TAFA1: variants seen among roughly 807,000 people sequenced by gnomAD.
The protein encoded by TAFA1 is chemokine-like protein TAFA-1.
In TAFA1, 4 loss-of-function variants were observed where a neutral mutation model predicts 18.5. The observed-to-expected ratio is 0.22, with a 90% confidence interval of 0.11 to 0.49. TAFA1 has a LOEUF of 0.49. Ranked by LOEUF, TAFA1 falls within the 20% of genes least tolerant of loss-of-function variation. The pLI is 0.98. For missense variants in TAFA1, 147 were observed against 169.0 expected (o/e 0.87, Z 0.72); for synonymous variants, 56 against 55.2 (o/e 1.01, Z -0.06).
chr3:68,057,905 A>G (rs1346436254), intron 2 of TAFA1, among the ~76,000 whole-genome samples: 2 of 152,190 alleles, frequency 1.3e-5, no homozygotes, highest in Non-Finnish European at 2.9e-5. Flanking sequence ...ATTCTCCCCT[A>G]GAACCTTCAG....
chr3:68,170,961 A>G (rs185769723), intron 2 of TAFA1, among the ~76,000 whole-genome samples: 1 of 152,290 alleles, frequency 6.6e-6, no homozygotes, highest in Non-Finnish European at 1.5e-5. Context: ...AACAGCCAAA[A>G]CAAGAACGAA....
At chr3:68,307,054 G>GT (rs1261342801) in intron 2 of TAFA1, among the ~76,000 whole-genome samples, 6 of 152,126 alleles carry the variant, frequency 3.9e-5, no homozygotes, top group Non-Finnish European at 8.8e-5. Flanking sequence ...ATTAGCTTCT[G>GT]TTTTTTCATC....
At chr3:68,098,904 A>G (rs1050735599) in intron 2 of TAFA1, among the ~76,000 whole-genome samples, 1 of 152,226 alleles carries the variant, frequency 6.6e-6, no homozygotes, top group East Asian at 1.9e-4. Context: ...AGCCCTGGAG[A>G]AAATGACTGC....
rs2071398906 is a variant in TAFA1, at chr3:68,442,329, G to A, written c.259+24909G>A. Among the ~76,000 whole-genome samples the A allele has an allele frequency of 2.0e-5, 3 of 152,062 alleles. No individual in the cohort carries two copies. The South Asian group carries it at 6.2e-4, about 32-fold the overall frequency. ...GCAAAGGGTATTACATGTCAAAGGG[G>A]CTAAGCTAATGTGCTTGCTCAGGTC... On this transcript the variant is annotated intron_variant, in intron 3 of 4. Transcript: ENST00000478136.
chr3:68,378,961 T>C (rs1482672756), intron 2 of TAFA1, among the ~76,000 whole-genome samples: 1 of 152,178 alleles, frequency 6.6e-6, no homozygotes, highest in East Asian at 1.9e-4. Context: ...TAAGCCTCTT[T>C]CCTTTCTAAA....
intron 2 of TAFA1, among the ~76,000 whole-genome samples, chr3:68,368,789 A>G (rs262180): frequency 0.63 from 95,147 of 151,964 alleles, 30,554 homozygotes; most frequent in East Asian, 1. Flanking sequence ...CCAAGGGAAA[A>G]TGAGGGGCAA....
At chr3:68,540,381 A>G (rs2073352300) in intron 4 of TAFA1, among the ~76,000 whole-genome samples, 1 of 152,146 alleles carries the variant, frequency 6.6e-6, no homozygotes, top group East Asian at 1.9e-4. Context: ...TTATTCAGAA[A>G]TAAGCCTGGT....
chr3:68,429,821 G>A (rs2071133672), intron 3 of TAFA1, among the ~76,000 whole-genome samples: 1 of 151,814 alleles, frequency 6.6e-6, no homozygotes, highest in Non-Finnish European at 1.5e-5. Context: ...CCTTCCTGAA[G>A]CCGCTATGCC....
At chr3:68,218,686 G>T (rs918062121) in intron 2 of TAFA1, among the ~76,000 whole-genome samples, 1 of 152,106 alleles carries the variant, frequency 6.6e-6, no homozygotes, top group Non-Finnish European at 1.5e-5. Context: ...TTGTAAGAAA[G>T]ATCAAAATTT....
intron 2 of TAFA1, among the ~76,000 whole-genome samples, chr3:68,238,235 G>A (rs964990060): frequency 6.6e-6 from 1 of 152,104 alleles, no homozygotes; most frequent in African/African-American, 2.4e-5. Context: ...GACATCAGAG[G>A]GCTGGTAACA....
intron 2 of TAFA1, among the ~76,000 whole-genome samples, chr3:68,271,638 T>C (rs1300682959): frequency 9.9e-5 from 15 of 152,136 alleles, no homozygotes; most frequent in Admixed American, 9.8e-4. Context: ...AGAAACGTTT[T>C]CTGATGTTTG....
intron 2 of TAFA1, among the ~76,000 whole-genome samples, chr3:68,168,171 T>A (rs921636986): frequency 6.9e-6 from 1 of 145,928 alleles, no homozygotes; most frequent in African/African-American, 2.5e-5. Flanking sequence ...GAAGGCTTGA[T>A]TTGTTTTGCT....
At chr3:68,332,805 G>T (rs2068904918) in intron 2 of TAFA1, among the ~76,000 whole-genome samples, 1 of 152,146 alleles carries the variant, frequency 6.6e-6, no homozygotes, top group South Asian at 2.1e-4. Context: ...GAACACTGTA[G>T]GTGGGAATGT....
At chr3:68,248,724 G>C (rs2107154027) in intron 2 of TAFA1, among the ~76,000 whole-genome samples, 1 of 146,852 alleles carries the variant, frequency 6.8e-6, no homozygotes, top group Admixed American at 6.7e-5. Flanking sequence ...GGGGTGGGTG[G>C]TGGGCGGGGG....
In TAFA1 at chr3:68,364,251, G is replaced by A. The variant is rs543386223; in HGVS notation, c.119-53029G>A. Among the ~76,000 whole-genome samples, 9 of 152,264 alleles carry A rather than the reference G, an allele frequency of 5.9e-5. No individual in the cohort carries two copies. In the South Asian group the frequency reaches 1.9e-3, roughly 32 times the overall value. ...TATTTGTTTAAAATACAGATCCCTG[G>A]ACTTCAATCCAGACTTGCTGAGTTA... On this transcript the variant is annotated intron_variant, in intron 2 of 4. Coordinates refer to ENST00000478136, the MANE Select transcript of TAFA1 (RefSeq NM_213609.4).
chr3:68,398,668 AT>A, intron 2 of TAFA1, among the ~76,000 whole-genome samples: 1 of 152,200 alleles, frequency 6.6e-6, no homozygotes, highest in South Asian at 2.1e-4. Flanking sequence ...AAATTTATGT[AT>A]TTTTTCCCTA....
intron 2 of TAFA1, among the ~76,000 whole-genome samples, chr3:68,016,154 G>C (rs899083552): frequency 3.3e-5 from 5 of 152,120 alleles, no homozygotes; most frequent in Non-Finnish European, 7.4e-5. Context: ...TGTAATGATG[G>C]ATATTTACAT....
intron 2 of TAFA1, among the ~76,000 whole-genome samples, chr3:68,029,541 A>G (rs1049009552): frequency 6.6e-6 from 1 of 152,242 alleles, no homozygotes; most frequent in Non-Finnish European, 1.5e-5. Flanking sequence ...AGTAAAAATT[A>G]AAAATTCATT....
intron 2 of TAFA1, among the ~76,000 whole-genome samples, chr3:68,216,721 T>A (rs1056930161): frequency 3.3e-5 from 5 of 152,034 alleles, no homozygotes; most frequent in African/African-American, 4.8e-5. Context: ...CTGGAGCATC[T>A]TGTAGTACCA....
Sources: gnomAD v4.1 joint callset for allele counts (sites outside exome capture counted in the v4.1 genomes callset) on GRCh38, gnomAD v4.1.1 for gene constraint, MANE v1.5 for transcripts, NCBI Gene and HGNC (gene_info 2026-07-23, HGNC 2026-07-21) for gene names.